FAM184A: variants seen among roughly 807,000 people sequenced by gnomAD.
FAM184A encodes the protein family with sequence similarity 184 member A.
FAM184A carries 99 observed loss-of-function variants against 143.8 expected under a neutral mutation model. The ratio of observed to expected loss-of-function variants is 0.69; its 90% confidence interval spans 0.58 to 0.81. FAM184A has a LOEUF of 0.81. Among genes scored for constraint, FAM184A ranks in the 40% least tolerant of loss-of-function variants. The pLI is 0.00. For missense variants in FAM184A, 1,217 were observed against 1,310.5 expected, an observed-to-expected ratio of 0.93 and a Z score of 1.10; for synonymous variants, 427 against 446.4, an observed-to-expected ratio of 0.96 and a Z score of 0.55.
intron 9 of FAM184A, among the ~76,000 whole-genome samples, chr6:118,999,441 C>T (rs1290187627): frequency 6.6e-6 from 1 of 152,164 alleles, no homozygotes; most frequent in Admixed American, 6.6e-5. Context: ...ATAACCTCTA[C>T]CCAAACTGCC....
chr6:118,964,282 G>A (rs1783425986), intron 16 of FAM184A, among the ~76,000 whole-genome samples: 1 of 152,150 alleles, frequency 6.6e-6, no homozygotes, highest in Admixed American at 6.6e-5. Flanking sequence ...CCATTAAGAT[G>A]TTAGGCCTTA....
chr6:119,128,376 G>A (rs996349265), intron 1 of FAM184A, among the ~76,000 whole-genome samples: 8 of 152,198 alleles, frequency 5.3e-5, no homozygotes, highest in African/African-American at 1.9e-4. Context: ...TGAAGGGTCT[G>A]TATGTTTGTT....
At chr6:118,973,522 C>G (rs1783758326) in intron 14 of FAM184A, among the ~76,000 whole-genome samples, 1 of 152,054 alleles carries the variant, frequency 6.6e-6, no homozygotes, top group South Asian at 2.1e-4. Flanking sequence ...TTACATTTGA[C>G]TTTGACATGA....
intron 1 of FAM184A, among the ~76,000 whole-genome samples, chr6:119,042,414 A>C (rs995654477): frequency 2.6e-5 from 4 of 152,148 alleles, no homozygotes; most frequent in Non-Finnish European, 5.9e-5. Flanking sequence ...TTCAAAATAA[A>C]CTGGGAGGAA....
intron 1 of FAM184A, among the ~76,000 whole-genome samples, chr6:119,067,673 G>T (rs1343764774): frequency 1.3e-5 from 2 of 152,200 alleles, no homozygotes; most frequent in African/African-American, 4.8e-5. Context: ...ACCAGAGGGT[G>T]TCAGGAACCT....
At chr6:119,007,283 A>G (rs938506409) in intron 6 of FAM184A, among the ~76,000 whole-genome samples, 5 of 152,236 alleles carry the variant, frequency 3.3e-5, no homozygotes, top group Non-Finnish European at 5.9e-5. Context: ...TTCTTATAAA[A>G]TGGCCAAGCC....
chr6:119,020,880 G>A (rs1015208294), intron 3 of FAM184A, among the ~76,000 whole-genome samples: 4 of 152,092 alleles, frequency 2.6e-5, no homozygotes, highest in African/African-American at 7.2e-5. Context: ...CAACAACTAA[G>A]GTGATGTAAG....
At chr6:119,054,487 A>G (rs984219692) in intron 1 of FAM184A, among the ~76,000 whole-genome samples, 1 of 152,132 alleles carries the variant, frequency 6.6e-6, no homozygotes, top group African/African-American at 2.4e-5. Context: ...CCTCTTTTAT[A>G]AGGGAAGTAA....
chr6:118,979,625 T>G lies in FAM184A; in HGVS notation c.2302-107A>C, dbSNP rs544630846. ...CAGTTATTATTTAAGAAATACAAAATGTTTTAGGTTCATTTTCAAGAAAAC... is the reference window on the plus strand; with the variant it reads ...CAGTTATTATTTAAGAAATACAAAAGGTTTTAGGTTCATTTTCAAGAAAAC... On this transcript the variant is annotated intron_variant, in intron 10 of 17. Transcript: ENST00000338891. 17 of 860,480 alleles carry G rather than the reference T, an allele frequency of 2.0e-5. No individual in the cohort carries two copies. The African/African-American group carries it at 2.6e-4, about 13-fold the overall frequency. The allele number at this position is 860,480 out of a possible 1,614,324, so 53.3% of individuals were successfully genotyped here.
chr6:119,100,259 A>G (rs1788605545), intron 1 of FAM184A, among the ~76,000 whole-genome samples: 1 of 152,170 alleles, frequency 6.6e-6, no homozygotes, highest in Non-Finnish European at 1.5e-5. Flanking sequence ...AGACAGGGAA[A>G]AGATCAATGC....
intron 1 of FAM184A, among the ~76,000 whole-genome samples, chr6:119,131,975 C>T (rs1335087090): frequency 6.6e-6 from 1 of 152,156 alleles, no homozygotes; most frequent in Non-Finnish European, 1.5e-5. Context: ...TGAGAGAGAA[C>T]AGTATAGTTT....
Position 118,979,602 on chromosome 6 carries a change from G to C in FAM184A, c.2302-84C>G. 3.9e-6 allele frequency: 4 copies of C among 1,014,118 alleles called. No individual in the cohort carries two copies. In the South Asian group the frequency reaches 8.2e-5, roughly 21 times the overall value. The allele number at this position is 1,014,118 out of a possible 1,614,324, so 62.8% of individuals were successfully genotyped here. On this transcript the variant is annotated intron_variant, in intron 10 of 17. Coordinates refer to ENST00000338891, the MANE Select transcript of FAM184A (RefSeq NM_024581.6). The stretch of plus-strand genomic sequence containing the variant: ...AATAGAAAACAGTTACTAAAACTCA[G>C]TTATTATTTAAGAAATACAAAATGT...
chr6:119,053,006 T>C (rs1310967292), intron 1 of FAM184A, among the ~76,000 whole-genome samples: 1 of 152,190 alleles, frequency 6.6e-6, no homozygotes, highest in Admixed American at 6.5e-5. Context: ...AAAATTCTGG[T>C]TGCACTGTGG....
chr6:119,023,499 T>C (rs1004162495), intron 2 of FAM184A, among the ~76,000 whole-genome samples: 6 of 151,730 alleles, frequency 4.0e-5, no homozygotes, highest in Middle Eastern at 3.4e-3. Context: ...AAAAAATGTA[T>C]TTAAACTTTA....
chr6:118,962,012 T>C, intron 16 of FAM184A, 49 bp from the exon 17 acceptor site: 3 of 1,562,654 alleles, frequency 1.9e-6, no homozygotes, highest in Non-Finnish European at 2.6e-6. Context: ...TGAGGACAAA[T>C]GAGAAAATAG....
chr6:119,129,407 G>A (rs184536460), intron 1 of FAM184A, among the ~76,000 whole-genome samples: 76 of 152,308 alleles, frequency 5.0e-4, no homozygotes, highest in African/African-American at 1.8e-3. Context: ...ATGTGGTGGG[G>A]CTTTCCTGAT....
intron 1 of FAM184A, among the ~76,000 whole-genome samples, chr6:119,107,359 A>C (rs1788812812): frequency 1.3e-5 from 2 of 152,230 alleles, no homozygotes; most frequent in African/African-American, 4.8e-5. Flanking sequence ...AGTAAAGATT[A>C]TAATTTGGAG....
chr6:119,011,029 A>G (rs958632974), intron 6 of FAM184A: 1 of 245,338 alleles, frequency 4.1e-6, no homozygotes, highest in African/African-American at 2.3e-5. Flanking sequence ...TTTTTTGGCA[A>G]AAGGGTAGAG....
At chr6:119,074,695 C>T (rs1461575359) in intron 1 of FAM184A, among the ~76,000 whole-genome samples, 2 of 152,178 alleles carry the variant, frequency 1.3e-5, no homozygotes, top group Non-Finnish European at 2.9e-5. Flanking sequence ...CAGAAGTATA[C>T]AAATGTGGTC....
Sources: gnomAD v4.1 joint callset for allele counts (sites outside exome capture counted in the v4.1 genomes callset) on GRCh38, gnomAD v4.1.1 for gene constraint, MANE v1.5 for transcripts, NCBI Gene and HGNC (gene_info 2026-07-23, HGNC 2026-07-21) for gene names.